The following ZCCHC7 variants were observed in gnomAD, a reference collection of about 807,000 sequenced individuals.
The protein encoded by ZCCHC7 is zinc finger CCHC-type containing 7, also known as zinc finger CCHC domain-containing protein 7.
In ZCCHC7, 35 loss-of-function variants were observed where a neutral mutation model predicts 52.0. The observed-to-expected ratio is 0.67, with a 90% confidence interval of 0.51 to 0.89. ZCCHC7 has a LOEUF of 0.89. Ranked by LOEUF, ZCCHC7 falls within the 40% of genes least tolerant of loss-of-function variation. ZCCHC7 has a pLI of 0.00. For synonymous variants in ZCCHC7, 217 were observed against 221.5 expected (o/e 0.98, Z 0.18); for missense variants, 574 against 649.1 (o/e 0.88, Z 1.26).
intron 2 of ZCCHC7, among the ~76,000 whole-genome samples, chr9:37,194,017 A>G (rs150971880): frequency 1.3e-5 from 2 of 152,274 alleles, no homozygotes; most frequent in Admixed American, 6.5e-5. Flanking sequence ...AAACTCAGAC[A>G]TTGCTGATGT....
chr9:37,242,676 A>G (rs1825923651), intron 2 of ZCCHC7, among the ~76,000 whole-genome samples: 1 of 151,836 alleles, frequency 6.6e-6, no homozygotes. Context: ...GCTCTTATTA[A>G]AAATGTGTTC....
rs145771661 is a variant in ZCCHC7, at chr9:37,189,500, C to T, written c.610+62558C>T. On this transcript the variant is annotated intron_variant, in intron 2 of 8. Transcript: ENST00000336755. The stretch of plus-strand genomic sequence containing the variant: ...TTCCTGGGCTCAAGCGATTCTCCTG[C>T]GTCAGTCTCCCAAGTAGCTAGGATT... Among the ~76,000 whole-genome samples the T allele has an allele frequency of 3.4e-3, 514 of 152,258 alleles. 2 individuals are homozygous for T. Among genetic ancestry groups the T allele is most frequent in the African/African-American group, 0.012 (489 of 41,532 alleles).
chr9:37,261,656 C>G (rs960959953), intron 2 of ZCCHC7, among the ~76,000 whole-genome samples: 1 of 152,094 alleles, frequency 6.6e-6, no homozygotes, highest in Non-Finnish European at 1.5e-5. Context: ...TCCTTGAACA[C>G]TGTGACATGA....
intron 2 of ZCCHC7, among the ~76,000 whole-genome samples, chr9:37,143,622 A>G (rs937916048): frequency 2.0e-5 from 3 of 151,692 alleles, no homozygotes; most frequent in African/African-American, 4.8e-5. Context: ...GGAAATATCT[A>G]TGCCATTACA....
At chr9:37,130,529 G>T (rs1176691250) in intron 2 of ZCCHC7, among the ~76,000 whole-genome samples, 3 of 141,076 alleles carry the variant, frequency 2.1e-5, no homozygotes, top group Non-Finnish European at 4.6e-5. Flanking sequence ...GTCTCGCTCT[G>T]TCGCCCAGGC....
At chr9:37,308,289 AT>A (rs1390722340) in intron 5 of ZCCHC7, among the ~76,000 whole-genome samples, 1 of 151,940 alleles carries the variant, frequency 6.6e-6, no homozygotes, top group African/African-American at 2.4e-5. Flanking sequence ...TAAGTTGTCA[AT>A]TATAATTTTC....
At chr9:37,278,486 A>G (rs1175329163) in intron 2 of ZCCHC7, among the ~76,000 whole-genome samples, 1 of 152,172 alleles carries the variant, frequency 6.6e-6, no homozygotes, top group Non-Finnish European at 1.5e-5. Flanking sequence ...AATTCAAAAG[A>G]GCAGTGCCCC....
intron 2 of ZCCHC7, among the ~76,000 whole-genome samples, chr9:37,169,660 G>A (rs2172363): frequency 0.57 from 85,992 of 151,976 alleles, 24,973 homozygotes; most frequent in African/African-American, 0.7. Flanking sequence ...TGGGGTTTTT[G>A]TTGTGTGTAT....
intron 2 of ZCCHC7, among the ~76,000 whole-genome samples, chr9:37,192,322 A>G (rs971215690): frequency 6.6e-6 from 1 of 152,254 alleles, no homozygotes. Context: ...ATCTGAAATT[A>G]GTAACTATTA....
chr9:37,149,739 G>C (rs573225715), intron 2 of ZCCHC7, among the ~76,000 whole-genome samples: 3 of 152,228 alleles, frequency 2.0e-5, no homozygotes, highest in African/African-American at 7.2e-5. Context: ...AATAGTTCAT[G>C]TGTCAGCTTG....
At chr9:37,129,556 T>TA (rs1344567069) in intron 2 of ZCCHC7, among the ~76,000 whole-genome samples, 3 of 152,230 alleles carry the variant, frequency 2.0e-5, no homozygotes, top group Admixed American at 2.0e-4. Flanking sequence ...GATTGGTTCA[T>TA]ATAATCTTTA....
At chr9:37,157,596 G>T (rs1409159783) in intron 2 of ZCCHC7, among the ~76,000 whole-genome samples, 1 of 152,178 alleles carries the variant, frequency 6.6e-6, no homozygotes, top group Non-Finnish European at 1.5e-5. Context: ...ATACATATTT[G>T]TAGCAAACCA....
intron 5 of ZCCHC7, among the ~76,000 whole-genome samples, chr9:37,326,636 T>A (rs1363841065): frequency 6.6e-6 from 1 of 151,938 alleles, no homozygotes; most frequent in Non-Finnish European, 1.5e-5. Context: ...GGTGGTATAA[T>A]CAGTAGAGGT....
At chr9:37,249,429 T>C (rs1826213879) in intron 2 of ZCCHC7, among the ~76,000 whole-genome samples, 1 of 151,424 alleles carries the variant, frequency 6.6e-6, no homozygotes, top group South Asian at 2.1e-4. Context: ...CAGCAGCATG[T>C]TTTGTACTTA....
intron 6 of ZCCHC7, among the ~76,000 whole-genome samples, chr9:37,343,037 T>A (rs2118511988): frequency 6.6e-6 from 1 of 152,356 alleles, no homozygotes; most frequent in South Asian, 2.1e-4. Flanking sequence ...TGTGTACATA[T>A]ATAGTACATG....
intron 2 of ZCCHC7, among the ~76,000 whole-genome samples, chr9:37,166,864 C>CT (rs1415842258): frequency 6.6e-6 from 1 of 152,144 alleles, no homozygotes; most frequent in East Asian, 1.9e-4. Context: ...GTCCAGAGAT[C>CT]TTTCTGTGGT....
chr9:37,162,760 T>C (rs1031812184), intron 2 of ZCCHC7, among the ~76,000 whole-genome samples: 1 of 152,202 alleles, frequency 6.6e-6, no homozygotes, highest in Admixed American at 6.5e-5. Flanking sequence ...TGGATATGTG[T>C]GTTTATCTTT....
chr9:37,345,451 G>C (rs1455859377), intron 6 of ZCCHC7, among the ~76,000 whole-genome samples: 1 of 152,214 alleles, frequency 6.6e-6, no homozygotes, highest in Non-Finnish European at 1.5e-5. Context: ...GTTTAGGCTG[G>C]GTGTGGTGGC....
chr9:37,311,146 A>G (rs548551872), intron 5 of ZCCHC7, among the ~76,000 whole-genome samples: 2 of 152,264 alleles, frequency 1.3e-5, no homozygotes, highest in East Asian at 3.9e-4. Flanking sequence ...TTTACTGCTC[A>G]CAAGAGACCA....
Sources: allele counts gnomAD v4.1 joint callset (sites outside exome capture counted in the v4.1 genomes callset), GRCh38; gene constraint gnomAD v4.1.1; transcripts MANE v1.5; gene names NCBI Gene and HGNC (gene_info 2026-07-23, HGNC 2026-07-21).